Variants in TRPC7 observed in about 807,000 individuals in gnomAD.
The protein encoded by TRPC7 is transient receptor potential cation channel subfamily C member 7.
Under a neutral mutation model 90.1 loss-of-function variants are expected in TRPC7, and 42 were observed. That is an observed-to-expected ratio of 0.47 (90% CI 0.36 to 0.60). The LOEUF is 0.60. TRPC7 is among the 20% of genes least tolerant of loss of function. TRPC7 has a pLI of 0.00. For synonymous variants in TRPC7, 451 were observed against 436.3 expected (o/e 1.03, Z -0.42); for missense variants, 955 against 1,112.3 (o/e 0.86, Z 2.01).
intron 3 of TRPC7, among the ~76,000 whole-genome samples, chr5:136,297,069 C>G (rs1758203945): frequency 6.6e-6 from 1 of 152,196 alleles, no homozygotes; most frequent in African/African-American, 2.4e-5. Context: ...CTTCCTCTTT[C>G]TGGAATGTCT....
chr5:136,305,365 C>A (rs1758580173), intron 3 of TRPC7, among the ~76,000 whole-genome samples: 1 of 152,160 alleles, frequency 6.6e-6, no homozygotes, highest in South Asian at 2.1e-4. Flanking sequence ...AGCCACTAGC[C>A]CACCTCTCAG....
intron 10 of TRPC7, among the ~76,000 whole-genome samples, chr5:136,218,542 A>C (rs1271662776): frequency 3.3e-5 from 5 of 152,236 alleles, no homozygotes; most frequent in Non-Finnish European, 7.3e-5. Context: ...GATAAGCCAG[A>C]GATTGGCAGT....
At chr5:136,295,988 A>C (rs979267707) in intron 3 of TRPC7, among the ~76,000 whole-genome samples, 30 of 152,192 alleles carry the variant, frequency 2.0e-4, no homozygotes, top group Admixed American at 1.9e-3. Context: ...GAAGCTACTT[A>C]CAGTCCTAAC....
chr5:136,244,570 A>C (rs1756276160), intron 7 of TRPC7, among the ~76,000 whole-genome samples: 1 of 152,216 alleles, frequency 6.6e-6, no homozygotes, highest in African/African-American at 2.4e-5. Context: ...GCATTTAATG[A>C]GCAAACAACC....
chr5:136,290,669 T>G (rs564391128), intron 3 of TRPC7, among the ~76,000 whole-genome samples: 1 of 152,304 alleles, frequency 6.6e-6, no homozygotes, highest in East Asian at 1.9e-4. Flanking sequence ...ATCTAATTGG[T>G]GTACCTGAAA....
chr5:136,315,287 G>A (rs1010977942), intron 3 of TRPC7, among the ~76,000 whole-genome samples: 1 of 152,120 alleles, frequency 6.6e-6, no homozygotes, highest in African/African-American at 2.4e-5. Flanking sequence ...AGGAGCCCTC[G>A]CGGTGACATT....
chr5:136,301,044 T>C (rs1243310782), intron 3 of TRPC7, among the ~76,000 whole-genome samples: 5 of 152,206 alleles, frequency 3.3e-5, no homozygotes, highest in Admixed American at 6.5e-5. Context: ...TTTTCTTTTT[T>C]CTGAGGTGGA....
chr5:136,291,997 A>G (rs1757975648), intron 3 of TRPC7, among the ~76,000 whole-genome samples: 2 of 152,130 alleles, frequency 1.3e-5, no homozygotes, highest in East Asian at 1.9e-4. Flanking sequence ...CTCACTCAAA[A>G]CCGCTCAACT....
In TRPC7 at chr5:136,356,966, G is replaced by A. The variant is rs571109629; in HGVS notation, c.422C>T (p.Pro141Leu). Reference sequence around the variant, plus strand: ...GTCGTCGCGCAGCTCCTGTTCCAGCGGGCTGAGCGTCAGGCGCTGGCCCTG... The same window carrying A: ...GTCGTCGCGCAGCTCCTGTTCCAGCAGGCTGAGCGTCAGGCGCTGGCCCTG... Reference protein sequence around the residue: ...FAQGQRLTLSPLEQELRDDDF... With the variant: ...FAQGQRLTLSLLEQELRDDDF... Residue 141 changes from proline (P) to leucine (L), a missense_variant, in exon 2 of 12, where the codon CCG (proline) becomes CTG (leucine). Physicochemically the swap from Pro to Leu is moderately conservative, Grantham distance 98 (BLOSUM62 -3). This residue lies in a region of TRPC7 where 484 missense variants were observed against 509.6 expected (regional missense o/e 0.95). Coordinates refer to ENST00000513104, the MANE Select transcript of TRPC7 (RefSeq NM_020389.3). 4.3e-6 allele frequency: 7 copies of A among 1,612,372 alleles called. No individual in the cohort carries two copies. The highest frequency in any genetic ancestry group is 5.9e-6 in the Non-Finnish European group (7 of 1,179,592).
intron 10 of TRPC7, among the ~76,000 whole-genome samples, chr5:136,223,096 T>C (rs1441563381): frequency 6.6e-6 from 1 of 152,256 alleles, no homozygotes. Context: ...GCTGGCTTTT[T>C]GTTTCTTTTC....
chr5:136,335,377 C>T (rs1225521833), intron 2 of TRPC7, among the ~76,000 whole-genome samples: 1 of 152,052 alleles, frequency 6.6e-6, no homozygotes, highest in African/African-American at 2.4e-5. Flanking sequence ...CTCCACTTAG[C>T]CCTTGGAGCT....
chr5:136,313,323 T>C (rs1290138681), intron 3 of TRPC7, among the ~76,000 whole-genome samples: 3 of 152,216 alleles, frequency 2.0e-5, no homozygotes, highest in African/African-American at 7.2e-5. Flanking sequence ...GTGGGCAGAA[T>C]CTTGGAAATG....
At chr5:136,291,555 G>T (rs10477779) in intron 3 of TRPC7, among the ~76,000 whole-genome samples, 6 of 152,010 alleles carry the variant, frequency 3.9e-5, no homozygotes, top group African/African-American at 1.2e-4. Flanking sequence ...AGGCCATTAC[G>T]TAACGGTAAA....
At chr5:136,266,469 C>T (rs1428617994) in intron 4 of TRPC7, 33 bp from the exon 5 acceptor site, 6 of 1,576,938 alleles carry the variant, frequency 3.8e-6, no homozygotes, top group East Asian at 2.3e-5. Flanking sequence ...ACATGTTAAA[C>T]TGTCTCTAGG....
chr5:136,258,961 A>G (rs76257558), intron 5 of TRPC7, among the ~76,000 whole-genome samples: 6,671 of 152,270 alleles, frequency 0.044, 257 homozygotes, highest in African/African-American at 0.1. Flanking sequence ...CTCAACAGGC[A>G]GTCCTTTGCA....
At chr5:136,335,844 C>T (rs1251302784) in intron 2 of TRPC7, among the ~76,000 whole-genome samples, 1 of 132,730 alleles carries the variant, frequency 7.5e-6, no homozygotes, top group Non-Finnish European at 1.5e-5. Context: ...GCGGAGCTTG[C>T]AGTGAGCCAA....
At chr5:136,289,732 A>T (rs1189017695) in intron 3 of TRPC7, among the ~76,000 whole-genome samples, 1 of 152,238 alleles carries the variant, frequency 6.6e-6, no homozygotes, top group Non-Finnish European at 1.5e-5. Context: ...GCACAGATGA[A>T]CAAAAGGCAG....
chr5:136,293,628 A>G (rs376967699), intron 3 of TRPC7, among the ~76,000 whole-genome samples: 2 of 152,200 alleles, frequency 1.3e-5, no homozygotes, highest in East Asian at 1.9e-4. Flanking sequence ...CCACTGCTCA[A>G]TGAAATAAAA....
At chr5:136,214,801 C>T (rs1425500627) in intron 11 of TRPC7, among the ~76,000 whole-genome samples, 2 of 152,102 alleles carry the variant, frequency 1.3e-5, no homozygotes, top group Non-Finnish European at 2.9e-5. Context: ...TTCTGTAGTT[C>T]CCTGTGGCCC....
Sources: gnomAD v4.1 joint callset for allele counts (sites outside exome capture counted in the v4.1 genomes callset) on GRCh38, gnomAD v4.1.1 for gene constraint, gnomAD v4.1.1 regional missense constraint, MANE v1.5 for transcripts, NCBI Gene and HGNC (gene_info 2026-07-23, HGNC 2026-07-21) for gene names.